PRKG1: variants seen among roughly 807,000 people sequenced by gnomAD.
PRKG1 encodes protein kinase cGMP-dependent 1, also known as cGMP-dependent protein kinase 1.
In PRKG1, 35 loss-of-function variants were observed where a neutral mutation model predicts 88.1. That is an observed-to-expected ratio of 0.40 (90% confidence interval 0.30 to 0.53). The LOEUF (loss-of-function observed/expected upper bound fraction) is 0.53. Ranked by LOEUF, PRKG1 falls within the 20% of genes least tolerant of loss-of-function variation. The probability of loss-of-function intolerance (pLI) is 0.59; values close to 1 mark genes in which losing one functional copy is unlikely to be tolerated. For missense variants in PRKG1, 540 were observed against 839.8 expected (o/e 0.64, Z 4.41); for synonymous variants, 303 against 292.5 (o/e 1.04, Z -0.37).
chr10:51,439,421 C>A (rs1314784346), intron 2 of PRKG1, among the ~76,000 whole-genome samples: 1 of 151,838 alleles, frequency 6.6e-6, no homozygotes, highest in Non-Finnish European at 1.5e-5. Flanking sequence ...TACTACTTAA[C>A]CAATACAAGA....
intron 3 of PRKG1, among the ~76,000 whole-genome samples, chr10:51,547,870 A>G (rs1435134808): frequency 1.3e-5 from 2 of 152,108 alleles, no homozygotes; most frequent in South Asian, 4.1e-4. Context: ...TTATTTCCCT[A>G]TTACGACAAA....
chr10:52,050,488 TAGAG>T (rs1454609925), intron 5 of PRKG1, among the ~76,000 whole-genome samples: 3 of 152,150 alleles, frequency 2.0e-5, no homozygotes, highest in African/African-American at 7.2e-5. Flanking sequence ...TTAACATAAT[TAGAG>T]AGCCTCTTAA....
chr10:51,461,585 A>G (rs1259815274), intron 2 of PRKG1, among the ~76,000 whole-genome samples: 3 of 152,184 alleles, frequency 2.0e-5, no homozygotes, highest in African/African-American at 7.2e-5. Flanking sequence ...GAGTTAACAC[A>G]TCATCTAGGG....
intron 4 of PRKG1, among the ~76,000 whole-genome samples, chr10:51,833,629 T>C (rs1840057101): frequency 6.6e-6 from 1 of 152,198 alleles, no homozygotes; most frequent in Non-Finnish European, 1.5e-5. Context: ...CATGTATACA[T>C]TGTGGAATGA....
At chr10:51,361,250 C>T (rs1482305482) in intron 2 of PRKG1, among the ~76,000 whole-genome samples, 2 of 151,854 alleles carry the variant, frequency 1.3e-5, no homozygotes, top group Admixed American at 6.6e-5. Flanking sequence ...TTTATTTAGC[C>T]CATGCTACAT....
At chr10:52,270,896 A>C (rs944293944) in intron 10 of PRKG1, among the ~76,000 whole-genome samples, 1 of 143,278 alleles carries the variant, frequency 7.0e-6, no homozygotes, top group Non-Finnish European at 1.5e-5. Context: ...AAAAAAAGAT[A>C]AAAAAAATTA....
intron 5 of PRKG1, among the ~76,000 whole-genome samples, chr10:51,926,077 A>C (rs1276057435): frequency 6.6e-6 from 1 of 152,196 alleles, no homozygotes; most frequent in Non-Finnish European, 1.5e-5. Context: ...ATGAAATGAC[A>C]ACATGATATG....
intron 14 of PRKG1, 22 bp downstream of exon 14, chr10:52,282,338 T>G (rs758012013): frequency 6.4e-7 from 1 of 1,567,092 alleles, no homozygotes; most frequent in Non-Finnish European, 8.7e-7. Context: ...GATAGGGAAC[T>G]GCTGATAAAA....
intron 2 of PRKG1, among the ~76,000 whole-genome samples, chr10:51,379,114 C>T (rs1227406892): frequency 6.6e-6 from 1 of 152,068 alleles, no homozygotes; most frequent in Admixed American, 6.5e-5. Context: ...TGTTTAATAT[C>T]CTTATTTATT....
intron 9 of PRKG1, among the ~76,000 whole-genome samples, chr10:52,180,648 T>C (rs564793117): frequency 2.5e-4 from 38 of 152,336 alleles, no homozygotes; most frequent in African/African-American, 9.1e-4. Flanking sequence ...CTGTAATCCA[T>C]GCTAGTGATG....
At chr10:51,308,355 T>C (rs529428762) in intron 2 of PRKG1, among the ~76,000 whole-genome samples, 1 of 152,296 alleles carries the variant, frequency 6.6e-6, no homozygotes, top group Non-Finnish European at 1.5e-5. Context: ...CCATTTAACT[T>C]CTTTATATTT....
chr10:52,026,614 A>T (rs1845344253), intron 5 of PRKG1, among the ~76,000 whole-genome samples: 1 of 152,232 alleles, frequency 6.6e-6, no homozygotes, highest in South Asian at 2.1e-4. Flanking sequence ...TGATGAAAAG[A>T]TTCTTAAATT....
intron 3 of PRKG1, among the ~76,000 whole-genome samples, chr10:51,770,574 A>G (rs1468550320): frequency 2.0e-5 from 3 of 152,272 alleles, no homozygotes; most frequent in South Asian, 2.1e-4. Flanking sequence ...GGGGGTGCGG[A>G]TGAGTGAGCA....
chr10:51,899,184 C>A (rs1841923949), intron 4 of PRKG1, among the ~76,000 whole-genome samples: 1 of 151,870 alleles, frequency 6.6e-6, no homozygotes, highest in Admixed American at 6.6e-5. Context: ...ATTTTAATCA[C>A]CATGTCAGTG....
intron 3 of PRKG1, among the ~76,000 whole-genome samples, chr10:51,596,702 T>C (rs1838457860): frequency 6.6e-6 from 1 of 152,184 alleles, no homozygotes; most frequent in Non-Finnish European, 1.5e-5. Context: ...TATCTCTTCG[T>C]TTTCTAAGTT....
chr10:51,128,683 G>A (rs552163011), intron 1 of PRKG1, among the ~76,000 whole-genome samples: 8 of 152,236 alleles, frequency 5.3e-5, no homozygotes, highest in Non-Finnish European at 4.4e-5. Flanking sequence ...AGAGCCTTTT[G>A]TAGAATCTTA....
At chr10:51,909,579 A>G (rs1842170322) in intron 5 of PRKG1, 1 of 152,222 alleles carries the variant, frequency 6.6e-6, no homozygotes, top group Non-Finnish European at 1.5e-5. Context: ...GGTCTGTATC[A>G]GAAAAGGGAA....
At chr10:51,877,651 T>C (rs1455116535) in intron 4 of PRKG1, among the ~76,000 whole-genome samples, 1 of 152,214 alleles carries the variant, frequency 6.6e-6, no homozygotes, top group Non-Finnish European at 1.5e-5. Flanking sequence ...CATCTTTCCA[T>C]AATAGCATTT....
At position 52,103,606 on chromosome 10, in the gene PRKG1, G is replaced by A. The variant is rs553727755; in HGVS notation, c.936-30234G>A. ...AAGAAGTATTAATAACTTTGCTATA[G>A]GTAAGGCTTCTCATCAACAGCAGTC... On this transcript the variant is annotated intron_variant, in intron 7 of 17. Coordinates refer to ENST00000373980, the MANE Select transcript of PRKG1 (RefSeq NM_006258.4). 2.6e-5 allele frequency among the ~76,000 whole-genome samples: 4 copies of A among 152,088 alleles called. No individual in the cohort carries two copies. The South Asian group carries it at 8.3e-4, about 32-fold the overall frequency.
Sources: gnomAD v4.1 joint callset for allele counts (sites outside exome capture counted in the v4.1 genomes callset) on GRCh38, gnomAD v4.1.1 for gene constraint, MANE v1.5 for transcripts, NCBI Gene and HGNC (gene_info 2026-07-23, HGNC 2026-07-21) for gene names.